KCNG2: variants seen among roughly 807,000 people sequenced by gnomAD.
KCNG2 encodes the protein potassium voltage-gated channel modifier subfamily G member 2, also known as voltage-gated potassium channel regulatory subunit KCNG2.
A neutral mutation model predicts 12.3 loss-of-function variants in KCNG2; 7 were observed. The observed-to-expected ratio is 0.57, with a 90% CI of 0.32 to 1.07. The LOEUF is 1.07. Among genes scored for constraint, KCNG2 ranks in the 50% least tolerant of loss-of-function variants. The probability of loss-of-function intolerance (pLI) is 0.04; values close to 1 mark genes in which losing one functional copy is unlikely to be tolerated. For missense variants in KCNG2, 703 were observed against 726.0 expected, an observed-to-expected ratio of 0.97 and a Z score of 0.36; for synonymous variants, 414 against 351.4, an observed-to-expected ratio of 1.18 and a Z score of -1.99.
At chr18:79,895,333 A>T (rs1177663480) in intron 3 of KCNG2, among the ~76,000 whole-genome samples, 1 of 151,450 alleles carries the variant, frequency 6.6e-6, no homozygotes, top group Non-Finnish European at 1.5e-5. Flanking sequence ...CAATTCATAT[A>T]GTTGAGTCTG....
chr18:79,885,316 T>C (rs1475562923), intron 3 of KCNG2, among the ~76,000 whole-genome samples: 5 of 152,330 alleles, frequency 3.3e-5, no homozygotes, highest in East Asian at 3.9e-4. Flanking sequence ...AGACTTTTTT[T>C]CTGACCTGAT....
At chr18:79,828,118 T>A (rs1417341880) in intron 1 of KCNG2, among the ~76,000 whole-genome samples, 34 of 152,266 alleles carry the variant, frequency 2.2e-4, no homozygotes, top group Non-Finnish European at 2.9e-5. Context: ...AGAGATGGTG[T>A]TTCACCATGT....
rs1018293955 is a variant in KCNG2 at position 79,800,992 on chromosome 18, C to T, written c.-115+2978C>T. On this transcript the variant is annotated intron_variant, in intron 1 of 3. Coordinates refer to ENST00000316249, the MANE Select transcript of KCNG2 (RefSeq NM_012283.2). This position sits in a 1 kb window ranked among gnomAD's most constrained non-coding sequence, Gnocchi z 4.0. ...CCAACAGTCTGGCCACGAGGAGCTC[C>T]GTGCTGTTGAGGCACTGTGAACTAT... Among the ~76,000 whole-genome samples the T allele has an allele frequency of 2.0e-5, 3 of 152,220 alleles. No individual in the cohort carries two copies. Among genetic ancestry groups the T allele is most frequent in the Admixed American group, 6.5e-5 (1 of 15,284 alleles).
rs1419175733 is a variant in KCNG2 at position 79,807,866 on chromosome 18, ATGGG to A, written c.-115+9853_-115+9856del. Among the ~76,000 whole-genome samples, 185 of 109,380 alleles carry A rather than the reference ATGGG, an allele frequency of 1.7e-3. 13 individuals are homozygous for A. Among genetic ancestry groups the A allele is most frequent in the South Asian group, 8.4e-3 (22 of 2,610 alleles). 71.8% of individuals were successfully genotyped at this position (109,380 alleles called of 152,430 possible). A position where few individuals can be genotyped will look rare whatever the true frequency, so the allele number is the denominator to read the frequency against. Reference sequence around the variant, plus strand: ...GGCCGCGCTGACCACACTCCACGTTATGGGCCCAGAGTCCGCGCTCTGAGGAGCT... The same window carrying A: ...GGCCGCGCTGACCACACTCCACGTTACCCAGAGTCCGCGCTCTGAGGAGCT... On this transcript the variant is annotated intron_variant, in intron 1 of 3. Transcript: ENST00000316249.
intron 1 of KCNG2, among the ~76,000 whole-genome samples, chr18:79,850,541 A>G (rs916344565): frequency 2.0e-5 from 3 of 152,232 alleles, no homozygotes. Context: ...GTGTTTTCTC[A>G]TGACGTTCTC....
rs2087402025 is a variant in KCNG2, at chr18:79,800,652, C to T, written c.-115+2638C>T. Among the ~76,000 whole-genome samples, 2 of 152,230 alleles carry T rather than the reference C, an allele frequency of 1.3e-5. No homozygotes were observed. Among genetic ancestry groups the T allele is most frequent in the Admixed American group, 1.3e-4 (2 of 15,286 alleles). ...AGCACTGGCTCCTTCACAGCCGCGG[C>T]TTTCCGGCAGGAGCCTCAGCAGTTC... On this transcript the variant is annotated intron_variant, in intron 1 of 3. Coordinates refer to ENST00000316249, the MANE Select transcript of KCNG2 (RefSeq NM_012283.2). The surrounding 1 kb of genome is among the most constrained non-coding windows in gnomAD (Gnocchi z 4.0).
chr18:79,814,230 C>G (rs1473334793), intron 1 of KCNG2, among the ~76,000 whole-genome samples: 1 of 152,090 alleles, frequency 6.6e-6, no homozygotes. Flanking sequence ...CCCGTATGAC[C>G]CAGCAATTGT....
At chr18:79,891,319 C>A (rs953718777) in intron 3 of KCNG2, among the ~76,000 whole-genome samples, 4 of 152,010 alleles carry the variant, frequency 2.6e-5, no homozygotes, top group African/African-American at 7.2e-5. Flanking sequence ...AAGCCACAAC[C>A]TTTTAGACTC....
chr18:79,868,940 G>A (rs933791521), intron 3 of KCNG2, among the ~76,000 whole-genome samples: 4 of 152,186 alleles, frequency 2.6e-5, no homozygotes, highest in Non-Finnish European at 5.9e-5. Context: ...ACTAGGAGTC[G>A]GTGTTACTGA....
At chr18:79,846,445 C>T (rs1978633321) in intron 1 of KCNG2, among the ~76,000 whole-genome samples, 1 of 144,674 alleles carries the variant, frequency 6.9e-6, no homozygotes, top group Non-Finnish European at 1.5e-5. Context: ...AAAAGTATTT[C>T]AAATCAAAAT....
At chr18:79,897,156 G>A (rs1981007399) in intron 3 of KCNG2, among the ~76,000 whole-genome samples, 2 of 151,570 alleles carry the variant, frequency 1.3e-5, no homozygotes, top group Non-Finnish European at 2.9e-5. Flanking sequence ...TTATCTCTCT[G>A]CATAGTTTTT....
At chr18:79,866,308 TGG>T (rs1979541202) in intron 3 of KCNG2, among the ~76,000 whole-genome samples, 2 of 130,120 alleles carry the variant, frequency 1.5e-5, no homozygotes, top group Non-Finnish European at 1.6e-5. Flanking sequence ...GCTGAGAGTG[TGG>T]GTGCTGAGGT....
rs2123067438 is a variant in KCNG2 at position 79,863,844 on chromosome 18, T to C, written c.177T>C (p.Cys59=). The change falls in exon 3 of 4, where the codon TGT becomes TGC. Residue 59 remains cysteine, a synonymous_variant. Coordinates refer to ENST00000316249, the MANE Select transcript of KCNG2 (RefSeq NM_012283.2). ...GCCACGACGACCTGCTGCGCGTGTGTGACGACTACGACGTGAGCCGCGACG... is the reference window on the plus strand; with the variant it reads ...GCCACGACGACCTGCTGCGCGTGTGCGACGACTACGACGTGAGCCGCGACG... ...CRGHDDLLRV[C]DDYDVSRDEF... 6.9e-7 allele frequency: 1 copy of C among 1,459,180 alleles called. No homozygotes were observed. The allele number at this position is 1,459,180 out of a possible 1,614,324, so 90.4% of individuals were successfully genotyped here.
chr18:79,866,755 G>A (rs1458777863), intron 3 of KCNG2, among the ~76,000 whole-genome samples: 1 of 147,786 alleles, frequency 6.8e-6, no homozygotes, highest in Non-Finnish European at 1.5e-5. Context: ...TGGGTGCTGA[G>A]GTCTGTGTTC....
chr18:79,841,143 C>T (rs754187238), intron 1 of KCNG2, among the ~76,000 whole-genome samples: 2 of 152,004 alleles, frequency 1.3e-5, no homozygotes, highest in Admixed American at 1.3e-4. Flanking sequence ...TGGTGGTGCA[C>T]ACCTGTAGTC....
intron 1 of KCNG2, among the ~76,000 whole-genome samples, chr18:79,814,244 C>A (rs1194868193): frequency 6.6e-6 from 1 of 152,204 alleles, no homozygotes; most frequent in Admixed American, 6.5e-5. Flanking sequence ...CAATTGTGAT[C>A]TTGGGCATTT....
chr18:79,881,989 A>T (rs1980314537), intron 3 of KCNG2, among the ~76,000 whole-genome samples: 1 of 151,454 alleles, frequency 6.6e-6, no homozygotes, highest in Non-Finnish European at 1.5e-5. Flanking sequence ...GGGCTACAAC[A>T]ACTGAACTCC....
At chr18:79,801,499 G>A (rs1340602478) in intron 1 of KCNG2, among the ~76,000 whole-genome samples, 4 of 152,366 alleles carry the variant, frequency 2.6e-5, no homozygotes, top group South Asian at 4.1e-4. Context: ...AGGAGGGGAC[G>A]CACATGCTGG....
intron 2 of KCNG2, among the ~76,000 whole-genome samples, chr18:79,862,387 T>C (rs1210602330): frequency 1.3e-5 from 2 of 152,206 alleles, no homozygotes; most frequent in African/African-American, 4.8e-5. Context: ...TGGTGGGACA[T>C]ATAGATTCTT....
Sources: allele counts gnomAD v4.1 joint callset (sites outside exome capture counted in the v4.1 genomes callset), GRCh38; gene constraint gnomAD v4.1.1; non-coding constraint Gnocchi (gnomAD v3.1); transcripts MANE v1.5; gene names NCBI Gene and HGNC (gene_info 2026-07-23, HGNC 2026-07-21).